Variants in PRKG1 observed in about 807,000 individuals in gnomAD.
The protein encoded by PRKG1 is protein kinase cGMP-dependent 1.
In PRKG1, 35 loss-of-function variants were observed where a neutral mutation model predicts 88.1. That is an observed-to-expected ratio of 0.40 (90% CI 0.30 to 0.53). PRKG1 has a LOEUF of 0.53. Ranked by LOEUF, PRKG1 falls within the 20% of genes least tolerant of loss-of-function variation. The pLI is 0.59. For synonymous variants in PRKG1, 303 were observed against 292.5 expected (o/e 1.04, Z -0.37); for missense variants, 540 against 839.8 (o/e 0.64, Z 4.41).
intron 5 of PRKG1, among the ~76,000 whole-genome samples, chr10:51,987,057 G>A (rs867079099): frequency 3.3e-5 from 5 of 151,882 alleles, no homozygotes; most frequent in Admixed American, 2.0e-4. Flanking sequence ...TTGGTAACTA[G>A]TTATGTATTA....
rs185566369 is a variant in PRKG1 at position 51,308,944 on chromosome 10, C to T, written c.478+155614C>T. On this transcript the variant is annotated intron_variant, in intron 2 of 17. Coordinates refer to ENST00000373980, the MANE Select transcript of PRKG1 (RefSeq NM_006258.4). Reference sequence around the variant, plus strand: ...TGCTGACGGTATGATGAGGCTTGTTCTGGGAGTGTAGAGAAAGCTGGAAAG... The same window carrying T: ...TGCTGACGGTATGATGAGGCTTGTTTTGGGAGTGTAGAGAAAGCTGGAAAG... Among the ~76,000 whole-genome samples the T allele has an allele frequency of 1.9e-3, 296 of 152,152 alleles. 1 individual carries two copies. Among genetic ancestry groups the T allele is most frequent in the Middle Eastern group, 6.8e-3 (2 of 292 alleles).
intron 2 of PRKG1, among the ~76,000 whole-genome samples, chr10:51,344,982 CTTTAT>C (rs1298933608): frequency 6.6e-6 from 1 of 151,974 alleles, no homozygotes; most frequent in East Asian, 1.9e-4. Context: ...AAGACTGTTT[CTTTAT>C]TTTAATAGTT....
At chr10:51,772,841 G>T (rs1838340241) in intron 3 of PRKG1, among the ~76,000 whole-genome samples, 1 of 151,964 alleles carries the variant, frequency 6.6e-6, no homozygotes, top group East Asian at 1.9e-4. Context: ...GGAGATTGAT[G>T]GCTAAAACTT....
At chr10:51,117,147 A>G (rs1387805131) in intron 1 of PRKG1, among the ~76,000 whole-genome samples, 1 of 152,172 alleles carries the variant, frequency 6.6e-6, no homozygotes, top group Non-Finnish European at 1.5e-5. Context: ...GTATTCCCCA[A>G]TTTCAGTTAC....
At position 52,045,720 on chromosome 10, in the gene PRKG1, A is replaced by C. The variant is rs574398576; in HGVS notation, c.763-8764A>C. On this transcript the variant is annotated intron_variant, in intron 5 of 17. Coordinates refer to ENST00000373980, the MANE Select transcript of PRKG1 (RefSeq NM_006258.4). The stretch of plus-strand genomic sequence containing the variant: ...TACTTGATGATTAAAAGAAAAAAAA[A>C]CAATTTTTTGTCCACATTTGGGTTT... 1.1e-4 allele frequency among the ~76,000 whole-genome samples: 16 copies of C among 152,182 alleles called. No individual in the cohort carries two copies. The South Asian group carries it at 3.1e-3, about 30-fold the overall frequency.
At chr10:51,403,539 A>C (rs2132672320) in intron 2 of PRKG1, among the ~76,000 whole-genome samples, 1 of 152,272 alleles carries the variant, frequency 6.6e-6, no homozygotes, top group Admixed American at 6.5e-5. Flanking sequence ...ATATGAAATA[A>C]ATTCTCCTCA....
chr10:51,342,008 T>C (rs1045860385), intron 2 of PRKG1, among the ~76,000 whole-genome samples: 2 of 152,158 alleles, frequency 1.3e-5, no homozygotes, highest in African/African-American at 4.8e-5. Context: ...ATAGGGATTA[T>C]TACAAGTCAA....
chr10:51,908,734 A>ATATATATATTTTTTTTTTT (rs563212069), intron 5 of PRKG1: 1 of 52,222 alleles, frequency 1.9e-5, no homozygotes, highest in Non-Finnish European at 4.8e-5. Context: ...TCTATATGTA[A>ATATATATATTTTTTTTTTT]TTTTTTTTTT....
intron 5 of PRKG1, among the ~76,000 whole-genome samples, chr10:52,021,845 T>A (rs1222673283): frequency 6.6e-6 from 1 of 152,202 alleles, no homozygotes; most frequent in Admixed American, 6.5e-5. Flanking sequence ...TCATTTTGAT[T>A]GTGACAGGAT....
At chr10:51,879,923 C>T (rs925782783) in intron 4 of PRKG1, among the ~76,000 whole-genome samples, 1 of 152,214 alleles carries the variant, frequency 6.6e-6, no homozygotes, top group African/African-American at 2.4e-5. Context: ...ATTGTAGCCA[C>T]TATGTAAAGA....
intron 2 of PRKG1, among the ~76,000 whole-genome samples, chr10:51,443,294 A>G (rs1249156293): frequency 6.7e-6 from 1 of 149,692 alleles, no homozygotes; most frequent in Non-Finnish European, 1.5e-5. Flanking sequence ...CTGCTTTCAC[A>G]ATACAGTGGC....
intron 3 of PRKG1, among the ~76,000 whole-genome samples, chr10:51,754,065 C>A (rs1238803426): frequency 6.6e-6 from 1 of 152,024 alleles, no homozygotes; most frequent in Admixed American, 6.6e-5. Flanking sequence ...TCATTAGCTC[C>A]TTTCTTCTTC....
At chr10:51,570,067 A>ATATATATATATATATATATATGTG (rs1491310201) in intron 3 of PRKG1, among the ~76,000 whole-genome samples, 54 of 113,096 alleles carry the variant, frequency 4.8e-4, no homozygotes, top group Middle Eastern at 5.0e-3. Flanking sequence ...ATATATATAT[A>ATATATATATATATATATATATGTG]TGTGTGTGTG....
rs114911147 is a variant in PRKG1 at position 52,105,233 on chromosome 10, C to G, written c.936-28607C>G. On this transcript the variant is annotated intron_variant, in intron 7 of 17. Transcript: ENST00000373980. ...AATTGGAAGAAACACATATATGGGTCCAAATTGTCTCCAGTTCCAGAAGGA... is the reference window on the plus strand; with the variant it reads ...AATTGGAAGAAACACATATATGGGTGCAAATTGTCTCCAGTTCCAGAAGGA... Among the ~76,000 whole-genome samples the G allele has an allele frequency of 8.5e-3, 1,287 of 152,088 alleles. 19 individuals are homozygous for G. Among genetic ancestry groups the G allele is most frequent in the African/African-American group, 0.029 (1,203 of 41,502 alleles).
chr10:51,298,751 T>C (rs1187716633), intron 2 of PRKG1, among the ~76,000 whole-genome samples: 1 of 152,174 alleles, frequency 6.6e-6, no homozygotes, highest in Non-Finnish European at 1.5e-5. Flanking sequence ...GTATTTTATG[T>C]GGGCTGAGAG....
rs528689600 is a variant in PRKG1, at chr10:51,782,889, T to C, written c.593-21696T>C. On this transcript the variant is annotated intron_variant, in intron 3 of 17. Transcript: ENST00000373980. ...TTTGTAAATTGCCCAGTCTTGGGTA[T>C]GTCTTTATCAGTAGCGTGAAAATGG... Among the ~76,000 whole-genome samples the C allele has an allele frequency of 2.6e-4, 40 of 152,238 alleles. No homozygotes were observed. In the South Asian group the frequency reaches 8.1e-3, roughly 31 times the overall value.
Position 51,511,639 on chromosome 10 carries a change from A to G in PRKG1, c.592+43803A>G, listed in dbSNP as rs931144108. On this transcript the variant is annotated intron_variant, in intron 3 of 17. Transcript: ENST00000373980. ...ATGTATATTAAACTTATAATGAAAT[A>G]TCAGTAACACTACAATGGTTAAAAT... is the stretch of plus-strand genomic sequence containing the variant. Among the ~76,000 whole-genome samples, 2 of 152,350 alleles carry G rather than the reference A, an allele frequency of 1.3e-5. 1 individual carries two copies. The highest frequency in any genetic ancestry group is 6.8e-3 in the Middle Eastern group (2 of 294).
chr10:51,206,217 C>T lies in PRKG1; in HGVS notation c.478+52887C>T, dbSNP rs144555755. Among the ~76,000 whole-genome samples the T allele has an allele frequency of 1.7e-4, 26 of 152,038 alleles. No homozygotes were observed. The East Asian group carries it at 4.3e-3, about 25-fold the overall frequency. On this transcript the variant is annotated intron_variant, in intron 2 of 17. Transcript: ENST00000373980. ...AAGAATGGAGCCATTACCGGCTGGG[C>T]GCGGTGGTTCACGGCTGTAATCCCA...
At chr10:52,088,739 G>A (rs1293602413) in intron 7 of PRKG1, among the ~76,000 whole-genome samples, 1 of 152,178 alleles carries the variant, frequency 6.6e-6, no homozygotes, top group Non-Finnish European at 1.5e-5. Flanking sequence ...CTCAGGTATT[G>A]TGTTATGGCA....
Sources: allele counts gnomAD v4.1 joint callset (sites outside exome capture counted in the v4.1 genomes callset), GRCh38; gene constraint gnomAD v4.1.1; transcripts MANE v1.5; gene names NCBI Gene and HGNC (gene_info 2026-07-23, HGNC 2026-07-21).